Variants in GALNT13 observed in about 807,000 individuals in gnomAD.
GALNT13 encodes polypeptide N-acetylgalactosaminyltransferase 13, also known as UDP-GalNAc:polypeptide N-acetylgalactosaminyltransferase 13.
A neutral mutation model predicts 64.2 loss-of-function variants in GALNT13; 28 were observed. The ratio of observed to expected loss-of-function variants is 0.44; its 90% CI spans 0.32 to 0.60. The LOEUF (loss-of-function observed/expected upper bound fraction) is 0.60. Ranked by LOEUF, GALNT13 falls within the 20% of genes least tolerant of loss-of-function variation. The pLI, the probability that GALNT13 is intolerant of heterozygous loss-of-function variation, is 0.05. For missense variants in GALNT13, 577 were observed against 669.8 expected (o/e 0.86, Z 1.53); for synonymous variants, 214 against 224.6 (o/e 0.95, Z 0.42).
the GALNT13 span, among the ~76,000 whole-genome samples, chr2:153,715,634 C>T: frequency 6.6e-6 from 1 of 152,208 alleles, no homozygotes; most frequent in Admixed American, 6.5e-5. Flanking sequence ...ACTTTTCAAA[C>T]AGCAAATGGC....
intron 3 of GALNT13, among the ~76,000 whole-genome samples, chr2:154,007,915 T>C (rs1051696317): frequency 6.7e-6 from 1 of 149,450 alleles, no homozygotes; most frequent in Non-Finnish European, 1.5e-5. Context: ...AGGAAATCTA[T>C]CTTGTATTCA....
the GALNT13 span, among the ~76,000 whole-genome samples, chr2:153,632,747 A>T: frequency 3.3e-5 from 5 of 151,438 alleles, no homozygotes; most frequent in African/African-American, 9.7e-5. Context: ...TTTATTTTTT[A>T]TTTTATTTAT....
At chr2:153,374,272 C>G in the GALNT13 span, among the ~76,000 whole-genome samples, 18 of 152,156 alleles carry the variant, frequency 1.2e-4, no homozygotes, top group African/African-American at 4.3e-4. Context: ...TGTTAGCCAT[C>G]CAAACAAGTA....
At chr2:153,484,448 A>G in the GALNT13 span, among the ~76,000 whole-genome samples, 1 of 152,214 alleles carries the variant, frequency 6.6e-6, no homozygotes, top group East Asian at 1.9e-4. Context: ...AATGTTTCCT[A>G]TATTTAAATT....
chr2:154,328,849 GT>G (rs1695015974), intron 9 of GALNT13, among the ~76,000 whole-genome samples: 1 of 152,122 alleles, frequency 6.6e-6, no homozygotes, highest in Admixed American at 6.6e-5. Flanking sequence ...TGTTAAAAAT[GT>G]TTGTATCAAT....
the GALNT13 span, among the ~76,000 whole-genome samples, chr2:153,280,792 A>G: frequency 6.6e-6 from 1 of 152,166 alleles, no homozygotes; most frequent in Admixed American, 6.5e-5. Flanking sequence ...ACATGTGGTC[A>G]CTCATAGAGT....
chr2:154,232,873 A>AC (rs1448263927), intron 4 of GALNT13, among the ~76,000 whole-genome samples: 1 of 151,456 alleles, frequency 6.6e-6, no homozygotes, highest in Non-Finnish European at 1.5e-5. Context: ...TCGCTACAAA[A>AC]AAAAAAAAAA....
chr2:154,339,654 A>G (rs1253072562), intron 9 of GALNT13, among the ~76,000 whole-genome samples: 3 of 152,174 alleles, frequency 2.0e-5, no homozygotes, highest in South Asian at 2.1e-4. Flanking sequence ...CTCAGTTCAC[A>G]CACGGAAATG....
At chr2:153,634,445 A>G in the GALNT13 span, among the ~76,000 whole-genome samples, 1 of 151,948 alleles carries the variant, frequency 6.6e-6, no homozygotes, top group Admixed American at 6.6e-5. Context: ...TAAAGACATG[A>G]AATCCATACT....
At chr2:153,455,896 A>T in the GALNT13 span, among the ~76,000 whole-genome samples, 1 of 152,302 alleles carries the variant, frequency 6.6e-6, no homozygotes. Context: ...GTAAATGCGG[A>T]GCATTTTATT....
In GALNT13 at chr2:154,275,678, A is replaced by G. The variant is rs571841582; in HGVS notation, c.975+16540A>G. ...AGTGTGGAATGGAAATGTGGGGTGC[A>G]AGCCCCCACACAGAGTCCCCCCTGG... On this transcript the variant is annotated intron_variant, in intron 8 of 12. Transcript: ENST00000392825. 2.6e-5 allele frequency among the ~76,000 whole-genome samples: 4 copies of G among 152,286 alleles called. No individual in the cohort carries two copies. In the South Asian group the frequency reaches 8.3e-4, roughly 32 times the overall value.
At chr2:154,234,588 T>G (rs1689092069) in intron 4 of GALNT13, among the ~76,000 whole-genome samples, 1 of 152,184 alleles carries the variant, frequency 6.6e-6, no homozygotes, top group Non-Finnish European at 1.5e-5. Context: ...ACTCTTTCCC[T>G]TTCCCTTCTC....
chr2:153,625,156 C>T, the GALNT13 span, among the ~76,000 whole-genome samples: 4 of 151,990 alleles, frequency 2.6e-5, no homozygotes, highest in Admixed American at 6.6e-5. Context: ...AAGGTAAATA[C>T]TAAACATGAC....
upstream of GALNT13, among the ~76,000 whole-genome samples, chr2:153,867,392 A>G (rs899480120): frequency 4.6e-5 from 7 of 151,882 alleles, no homozygotes; most frequent in African/African-American, 9.7e-5. Context: ...TTTGTGGTGC[A>G]TGAGTTGAAA....
chr2:153,725,495 GA>G, the GALNT13 span, among the ~76,000 whole-genome samples: 8 of 149,364 alleles, frequency 5.4e-5, no homozygotes, highest in African/African-American at 1.7e-4. Flanking sequence ...TAAAAAAAAA[GA>G]AAAAAGCTAA....
At chr2:153,552,543 T>A in the GALNT13 span, among the ~76,000 whole-genome samples, 7 of 149,336 alleles carry the variant, frequency 4.7e-5, no homozygotes, top group African/African-American at 1.7e-4. Flanking sequence ...GGAATGAGAC[T>A]GGTGAAGGTT....
the GALNT13 span, among the ~76,000 whole-genome samples, chr2:153,644,793 T>C: frequency 6.6e-6 from 1 of 152,080 alleles, no homozygotes; most frequent in Admixed American, 6.6e-5. Context: ...AAATTCTAGA[T>C]TCAGATAGGT....
intron 8 of GALNT13, among the ~76,000 whole-genome samples, chr2:154,262,704 A>T (rs77987630): frequency 6.6e-6 from 1 of 152,138 alleles, no homozygotes; most frequent in African/African-American, 2.4e-5. Context: ...TAGATTTTGG[A>T]GAAAGAGACA....
the GALNT13 span, among the ~76,000 whole-genome samples, chr2:153,678,364 C>T: frequency 1.3e-5 from 2 of 151,954 alleles, no homozygotes; most frequent in East Asian, 1.9e-4. Flanking sequence ...AGAACAAGAT[C>T]GTGTCCTTCT....
Sources: gnomAD v4.1 joint callset for allele counts (sites outside exome capture counted in the v4.1 genomes callset) on GRCh38, gnomAD v4.1.1 for gene constraint, MANE v1.5 for transcripts, NCBI Gene and HGNC (gene_info 2026-07-23, HGNC 2026-07-21) for gene names.